Variants in CDC25C observed in about 807,000 individuals in gnomAD.
CDC25C encodes M-phase inducer phosphatase 3.
CDC25C carries 48 observed loss-of-function variants against 52.5 expected under a neutral mutation model. The ratio of observed to expected loss-of-function variants is 0.91; its 90% CI spans 0.72 to 1.16. CDC25C has a LOEUF of 1.16. CDC25C is among the 50% of genes most tolerant of loss of function. The pLI is 0.00. For missense variants in CDC25C, 510 were observed against 566.1 expected, an observed-to-expected ratio of 0.90 and a Z score of 1.01; for synonymous variants, 187 against 206.5, an observed-to-expected ratio of 0.91 and a Z score of 0.81.
In CDC25C at chr5:138,294,597, C is replaced by CG. The variant is rs1428436221; in HGVS notation, c.616-2482dup. On this transcript the variant is annotated intron_variant, in intron 7 of 13. Transcript: ENST00000323760. ...TCAGCGCACTGCAAGCTCTGCCTCC[C>CG]GGGTTCATGCCATTCTCCTCCCTCA... 1.4e-3 allele frequency among the ~76,000 whole-genome samples: 211 copies of CG among 150,962 alleles called. 1 individual carries two copies. The highest frequency in any genetic ancestry group is 4.7e-3 in the African/African-American group (193 of 41,016).
At chr5:138,309,711 C>CA (rs891319156) in intron 7 of CDC25C, among the ~76,000 whole-genome samples, 64 of 113,198 alleles carry the variant, frequency 5.7e-4, no homozygotes, top group Non-Finnish European at 8.0e-4. Context: ...CCCTGGCTCT[C>CA]AAAATTTTTT....
Position 138,286,268 on chromosome 5 carries a change from CAA to C in CDC25C, c.1161-137_1161-136del, listed in dbSNP as rs542574881. 10 of 809,952 alleles carry C rather than the reference CAA, an allele frequency of 1.2e-5. No homozygotes were observed. The African/African-American group carries it at 1.6e-4, about 13-fold the overall frequency. 50.2% of individuals were successfully genotyped at this position (809,952 alleles called of 1,614,324 possible). A position where few individuals can be genotyped will look rare whatever the true frequency, so the allele number is the denominator to read the frequency against. On this transcript the variant is annotated intron_variant, in intron 12 of 13. Transcript: ENST00000323760. ...GGACTTTCCAATCTCCCTGTGTTTGCAAAAAAAGGTCCAAGTAGTACCACCCT... is the reference window on the plus strand; with the variant it reads ...GGACTTTCCAATCTCCCTGTGTTTGCAAAAAGGTCCAAGTAGTACCACCCT...
chr5:138,293,173 C>A (rs1756891027), intron 7 of CDC25C, among the ~76,000 whole-genome samples: 1 of 152,222 alleles, frequency 6.6e-6, no homozygotes, highest in Non-Finnish European at 1.5e-5. Context: ...CCCTTAGACT[C>A]CTTCCAAACA....
intron 7 of CDC25C, among the ~76,000 whole-genome samples, chr5:138,307,697 A>G (rs187799145): frequency 1.1e-4 from 16 of 152,226 alleles, no homozygotes; most frequent in African/African-American, 3.4e-4. Flanking sequence ...AGGCCAAGAC[A>G]GGGGGAACAC....
rs1364560923 is a variant in CDC25C, at chr5:138,286,006, A to G, written c.1272+16T>C. The G allele has an allele frequency of 3.8e-6, 6 of 1,596,610 alleles. No individual in the cohort carries two copies. Among genetic ancestry groups the G allele is most frequent in the Non-Finnish European group, 5.1e-6 (6 of 1,165,304 alleles). On this transcript the variant is annotated intron_variant, in intron 13 of 13. Coordinates refer to ENST00000323760, the MANE Select transcript of CDC25C (RefSeq NM_001790.5). ...GAGTTGTTAAAGTTTGGCTCCCCGC[A>G]TGCCCCACCCTTTACCATATATTCT... is the stretch of plus-strand genomic sequence containing the variant.
In CDC25C at chr5:138,331,764, C is replaced by T. The variant is rs1009701060; in HGVS notation, c.-208G>A. ...AGGCCAACGTCGGACTCAGAGTCTT[C>T]CCTGAGCAGAAGGCCAAAGTTACGG... On this transcript the variant is annotated 5_prime_UTR_variant, in exon 1 of 14. Coordinates refer to ENST00000323760, the MANE Select transcript of CDC25C (RefSeq NM_001790.5). 4.1e-6 allele frequency: 4 copies of T among 987,252 alleles called. No homozygotes were observed. The highest frequency in any genetic ancestry group is 3.6e-6 in the Non-Finnish European group (3 of 831,106). 61.2% of individuals were successfully genotyped at this position (987,252 alleles called of 1,614,324 possible). A position where few individuals can be genotyped will look rare whatever the true frequency, so the allele number is the denominator to read the frequency against.
chr5:138,294,750 C>T (rs376080537), intron 7 of CDC25C, among the ~76,000 whole-genome samples: 2 of 152,132 alleles, frequency 1.3e-5, no homozygotes, highest in East Asian at 1.9e-4. Flanking sequence ...ATGATCTGCC[C>T]GCCTCGGCCC....
In CDC25C at chr5:138,285,792, T is replaced by C. The variant is rs767348123; in HGVS notation, c.1322A>G (p.Lys441Arg). The C allele has an allele frequency of 1.2e-6, 2 of 1,614,092 alleles. No homozygotes were observed. The highest frequency in any genetic ancestry group is 2.2e-5 in the East Asian group (1 of 44,896). The change falls in exon 14 of 14, where the codon AAG (lysine) becomes AGG (arginine). Residue 441 changes from lysine to arginine, a missense_variant. By Grantham distance (26) the Lys-to-Arg change is conservative (BLOSUM62 2). Coordinates refer to ENST00000323760, the MANE Select transcript of CDC25C (RefSeq NM_001790.5). ...GCTTCGACACCTCAGCAACTCAGTC[T>C]TGTGGTCCTGATGATGCATAGGGCA... The part of the protein sequence containing the change: ...SYCPMHHQDH[K>R]TELLRCRSQS...
intron 7 of CDC25C, among the ~76,000 whole-genome samples, chr5:138,318,582 G>C (rs910809514): frequency 2.6e-5 from 4 of 151,782 alleles, no homozygotes; most frequent in African/African-American, 9.7e-5. Flanking sequence ...GGGTGTGGTG[G>C]TGCACACCTG....
intron 3 of CDC25C, among the ~76,000 whole-genome samples, chr5:138,329,331 T>A (rs535069802): frequency 1.3e-5 from 2 of 152,332 alleles, no homozygotes; most frequent in South Asian, 4.1e-4. Context: ...TATTCCTACT[T>A]GTCTAACATT....
chr5:138,307,098 C>A (rs1758066691), intron 7 of CDC25C, among the ~76,000 whole-genome samples: 1 of 151,970 alleles, frequency 6.6e-6, no homozygotes, highest in South Asian at 2.1e-4. Context: ...CCTGCCTCGG[C>A]CTCCCAAAGT....
chr5:138,292,894 G>T (rs1440748451), intron 7 of CDC25C, among the ~76,000 whole-genome samples: 1 of 152,158 alleles, frequency 6.6e-6, no homozygotes, highest in Non-Finnish European at 1.5e-5. Context: ...CATACTTTGA[G>T]ATCTCTACCT....
Position 138,287,281 on chromosome 5 carries a change from A to G in CDC25C, c.928-14T>C. The G allele has an allele frequency of 6.3e-7, 1 of 1,582,012 alleles. No homozygotes were observed. The highest frequency in any genetic ancestry group is 1.1e-5 in the South Asian group (1 of 90,290). On this transcript the variant is annotated splice_polypyrimidine_tract_variant and intron_variant, in intron 10 of 13. Coordinates refer to ENST00000323760, the MANE Select transcript of CDC25C (RefSeq NM_001790.5). The stretch of plus-strand genomic sequence containing the variant: ...TAAGGCAGCCACCTGGACAGAAACA[A>G]TGACTGAATATTCTGCTCACTGCCA...
At position 138,331,154 on chromosome 5, in the gene CDC25C, T is replaced by G; in HGVS notation, c.27A>C (p.Thr9=). The G allele has an allele frequency of 6.2e-7, 1 of 1,614,150 alleles. No homozygotes were observed. Among genetic ancestry groups the G allele is most frequent in the Non-Finnish European group, 8.5e-7 (1 of 1,179,988 alleles). ...CTGAGCCAGAGCTTCCTTCCTCTCT[T>G]GTGGATGAGAAGAGTTCCGTAGACA... MSTELFSS[T]REEGSSGSGP... The change falls in exon 2 of 14, where the codon ACA becomes ACC. Residue 9 remains threonine (T), a synonymous_variant. Coordinates refer to ENST00000323760, the MANE Select transcript of CDC25C (RefSeq NM_001790.5).
In CDC25C at chr5:138,291,950, T is replaced by C; in HGVS notation, c.762+20A>G. 6.3e-7 allele frequency: 1 copy of C among 1,589,540 alleles called. No individual in the cohort carries two copies. Among genetic ancestry groups the C allele is most frequent in the South Asian group, 1.1e-5 (1 of 87,652 alleles). ...ATGAGATAGAAGATGAACAAGATTTTCATCTTAAAAAGTTCTTACCTTCCT... is the reference window on the plus strand; with the variant it reads ...ATGAGATAGAAGATGAACAAGATTTCCATCTTAAAAAGTTCTTACCTTCCT... On this transcript the variant is annotated intron_variant, in intron 8 of 13. Coordinates refer to ENST00000323760, the MANE Select transcript of CDC25C (RefSeq NM_001790.5).
rs1341772495 is a variant in CDC25C at position 138,331,232 on chromosome 5, G to T, written c.-38-14C>A. 6.5e-7 allele frequency: 1 copy of T among 1,539,816 alleles called. No individual in the cohort carries two copies. Among genetic ancestry groups the T allele is most frequent in the South Asian group, 1.1e-5 (1 of 89,638 alleles). The stretch of plus-strand genomic sequence containing the variant: ...AACAAAACCTAGCTAGGAGGAAAAC[G>T]TCATCTAAATCGGTACATCACAGTT... On this transcript the variant is annotated splice_polypyrimidine_tract_variant and intron_variant, in intron 1 of 13. Coordinates refer to ENST00000323760, the MANE Select transcript of CDC25C (RefSeq NM_001790.5).
At position 138,338,095 on chromosome 5, in the gene CDC25C, C is replaced by A. The variant is rs1469551043; in HGVS notation, c.-127G>T. The A allele has an allele frequency of 4.7e-6, 6 of 1,289,808 alleles. No individual in the cohort carries two copies. In the East Asian group the frequency reaches 3.3e-4, roughly 72 times the overall value. The allele number at this position is 1,289,808 out of a possible 1,614,324, so 79.9% of individuals were successfully genotyped here. On this transcript the variant is annotated 5_prime_UTR_variant, in exon 1 of 6. Coordinates refer to the CDC25C transcript ENST00000510119. Reference sequence around the variant, plus strand: ...CCTAAATCAAAGCGCCAGGCTCGTTCCCAACAGCGCTGTCCGAGAGACACT... The same window carrying A: ...CCTAAATCAAAGCGCCAGGCTCGTTACCAACAGCGCTGTCCGAGAGACACT...
At chr5:138,309,576 G>C (rs1387381617) in intron 7 of CDC25C, among the ~76,000 whole-genome samples, 1 of 151,904 alleles carries the variant, frequency 6.6e-6, no homozygotes, top group Non-Finnish European at 1.5e-5. Context: ...AGGGCGATGG[G>C]GGGAGGTGAG....
chr5:138,330,198 T>C (rs1760246771), intron 2 of CDC25C, among the ~76,000 whole-genome samples: 1 of 151,760 alleles, frequency 6.6e-6, no homozygotes, highest in Non-Finnish European at 1.5e-5. Flanking sequence ...ACAGATAATT[T>C]TTTTTTTTTT....
Sources: gnomAD v4.1 joint callset for allele counts (sites outside exome capture counted in the v4.1 genomes callset) on GRCh38, gnomAD v4.1.1 for gene constraint, MANE v1.5 for transcripts, NCBI Gene and HGNC (gene_info 2026-07-23, HGNC 2026-07-21) for gene names.